The following SMIM13 variants were observed in gnomAD, a reference collection of about 807,000 sequenced individuals.
The protein encoded by SMIM13 is small integral membrane protein 13, also known as UPF0766 protein C6orf228.
Under a neutral mutation model 5.9 loss-of-function variants are expected in SMIM13, and 3 were observed. The ratio of observed to expected loss-of-function variants is 0.51; its 90% CI spans 0.23 to 1.31. SMIM13 has a LOEUF of 1.31. Ranked by LOEUF, SMIM13 falls within the 40% of genes most tolerant of loss-of-function variation. SMIM13 has a pLI of 0.18. For missense variants in SMIM13, 85 were observed against 109.9 expected (o/e 0.77, Z 1.01); for synonymous variants, 55 against 46.0 (o/e 1.19, Z -0.79).
intron 1 of SMIM13, among the ~76,000 whole-genome samples, chr6:11,101,043 T>C (rs1183293407): frequency 6.6e-6 from 1 of 151,756 alleles, no homozygotes; most frequent in Non-Finnish European, 1.5e-5. Context: ...TTTTTTTTTT[T>C]TTTTTCTGTT....
At chr6:11,095,271 T>C (rs16870932) in intron 1 of SMIM13, among the ~76,000 whole-genome samples, 2,979 of 152,346 alleles carry the variant, frequency 0.02, 106 homozygotes, top group African/African-American at 0.067. Context: ...TACAAATTAA[T>C]ACTTAGTGAC....
intron 1 of SMIM13, among the ~76,000 whole-genome samples, chr6:11,108,358 A>G (rs994704303): frequency 6.6e-6 from 1 of 152,200 alleles, no homozygotes; most frequent in Non-Finnish European, 1.5e-5. Context: ...GTGTTATTTA[A>G]TCCAGGAGCC....
intron 1 of SMIM13, among the ~76,000 whole-genome samples, chr6:11,100,814 A>G (rs1222563249): frequency 2.0e-5 from 3 of 152,128 alleles, no homozygotes; most frequent in Admixed American, 1.3e-4. Flanking sequence ...GTATTGAAAA[A>G]TTTATTGCCT....
intron 1 of SMIM13, among the ~76,000 whole-genome samples, chr6:11,126,870 C>T (rs1043341781): frequency 6.6e-6 from 1 of 152,154 alleles, no homozygotes; most frequent in African/African-American, 2.4e-5. Flanking sequence ...CCCAGTTATG[C>T]CGTGGCTCTT....
chr6:11,114,660 A>G (rs544012147), intron 1 of SMIM13, among the ~76,000 whole-genome samples: 17 of 113,566 alleles, frequency 1.5e-4, no homozygotes, highest in African/African-American at 6.0e-4. Context: ...ATGTGGTGGT[A>G]TGATCTCGGC....
intron 1 of SMIM13, among the ~76,000 whole-genome samples, chr6:11,110,696 T>TA (rs1197627137): frequency 9.2e-5 from 14 of 152,158 alleles, no homozygotes; most frequent in African/African-American, 3.4e-4. Context: ...GCAAGAGGAA[T>TA]ACTCATGGAA....
chr6:11,116,946 A>T lies in SMIM13; in HGVS notation c.77-17457A>T, dbSNP rs922430090. Among the ~76,000 whole-genome samples, 251 of 66,058 alleles carry T rather than the reference A, an allele frequency of 3.8e-3. 1 individual carries two copies. Among genetic ancestry groups the T allele is most frequent in the Non-Finnish European group, 5.3e-3 (156 of 29,208 alleles). 43.3% of individuals were successfully genotyped at this position (66,058 alleles called of 152,430 possible). A position where few individuals can be genotyped will look rare whatever the true frequency, so the allele number is the denominator to read the frequency against. On this transcript the variant is annotated intron_variant, in intron 1 of 1. Coordinates refer to ENST00000416247, the MANE Select transcript of SMIM13 (RefSeq NM_001135575.2). ...GGGTTATTGATTTTAGACTTTTCTT[A>T]TTTTTAAGAAAATAGACATTTAATG...
At chr6:11,129,897 G>T (rs1412425170) in intron 1 of SMIM13, among the ~76,000 whole-genome samples, 2 of 152,000 alleles carry the variant, frequency 1.3e-5, no homozygotes, top group Non-Finnish European at 2.9e-5. Flanking sequence ...ATTCCTTGGG[G>T]CTTTAATAAT....
intron 1 of SMIM13, among the ~76,000 whole-genome samples, chr6:11,094,672 C>G (rs1459218214): frequency 1.3e-5 from 2 of 152,162 alleles, no homozygotes; most frequent in Non-Finnish European, 2.9e-5. Context: ...CTCTTTCATT[C>G]TCACCACAGG....
rs35012412 is a variant in SMIM13 at position 11,130,253 on chromosome 6, T to TAAAAAA, written c.77-4139_77-4134dup. Among the ~76,000 whole-genome samples, 61 of 140,104 alleles carry TAAAAAA rather than the reference T, an allele frequency of 4.4e-4. No individual in the cohort carries two copies. The Middle Eastern group carries it at 0.011, about 26-fold the overall frequency. 91.9% of individuals were successfully genotyped at this position (140,104 alleles called of 152,430 possible). On this transcript the variant is annotated intron_variant, in intron 1 of 1. Transcript: ENST00000416247. ...CAACCTATCATTACAGTAGTCATTG[T>TAAAAAA]AAAAAAAAAAAAAAAACAACAACAA...
chr6:11,134,639 C>CT lies in SMIM13; in HGVS notation c.*39dup, dbSNP rs1278459425. 3 of 1,392,168 alleles carry CT rather than the reference C, an allele frequency of 2.2e-6. No individual in the cohort carries two copies. The East Asian group carries it at 8.0e-5, about 37-fold the overall frequency. 86.2% of individuals were successfully genotyped at this position (1,392,168 alleles called of 1,614,324 possible). The stretch of plus-strand genomic sequence containing the variant: ...TGAAGGATGAAAAGGCAGTTGCCAG[C>CT]TTCTGTCTTTTACTGACTTCGCTTT... On this transcript the variant is annotated 3_prime_UTR_variant, in exon 2 of 2. Transcript: ENST00000416247.
intron 1 of SMIM13, among the ~76,000 whole-genome samples, chr6:11,120,066 G>A (rs1758290931): frequency 1.3e-5 from 2 of 152,168 alleles, no homozygotes; most frequent in South Asian, 4.1e-4. Flanking sequence ...GATTGAAAAT[G>A]GAAAAGAGCT....
chr6:11,103,537 G>A, intron 1 of SMIM13: 1 of 1,073,564 alleles, frequency 9.3e-7, no homozygotes, highest in South Asian at 1.9e-5. Flanking sequence ...TGACAGAGGG[G>A]CTGTAGTGGT....
chr6:11,099,409 G>A (rs1757964409), intron 1 of SMIM13, among the ~76,000 whole-genome samples: 2 of 152,082 alleles, frequency 1.3e-5, no homozygotes, highest in Non-Finnish European at 2.9e-5. Flanking sequence ...TCCTGACCTC[G>A]TGATCCACCC....
intron 1 of SMIM13, among the ~76,000 whole-genome samples, chr6:11,125,842 TTTC>T (rs1758370460): frequency 6.6e-6 from 1 of 152,192 alleles, no homozygotes; most frequent in South Asian, 2.1e-4. Context: ...GTTCTATAAC[TTTC>T]TTGTACTTGA....
intron 1 of SMIM13, among the ~76,000 whole-genome samples, chr6:11,126,677 A>T (rs1360292310): frequency 1.3e-5 from 2 of 148,790 alleles, no homozygotes; most frequent in African/African-American, 2.5e-5. Flanking sequence ...TGGTCTTGAT[A>T]CTTCTGGATG....
rs528373608 is a variant in SMIM13, at chr6:11,114,520, T to A, written c.77-19883T>A. On this transcript the variant is annotated intron_variant, in intron 1 of 1. Coordinates refer to ENST00000416247, the MANE Select transcript of SMIM13 (RefSeq NM_001135575.2). ...TTTGTGGTGATTTTTCTTTTTTTTT[T>A]AAATCAGGAGTGGATATTGGATTTT... is the stretch of plus-strand genomic sequence containing the variant. Among the ~76,000 whole-genome samples, 1,168 of 146,806 alleles carry A rather than the reference T, an allele frequency of 8.0e-3. 6 individuals are homozygous for A. The highest frequency in any genetic ancestry group is 0.038 in the Middle Eastern group (11 of 288).
chr6:11,134,539 C>T lies in SMIM13; in HGVS notation c.213C>T (p.His71=). 1 of 1,550,848 alleles carries T rather than the reference C, an allele frequency of 6.4e-7. No individual in the cohort carries two copies. ...AAGAAGACACTTCCTCCTCTCCACA[C>T]AGAATCAGATCCGCTCGCCAAAGGA... The part of the protein sequence containing the change: ...ETEEDTSSSP[H]RIRSARQRRA... Residue 71 remains histidine, a synonymous_variant, in exon 2 of 2, where the codon CAC becomes CAT. Transcript: ENST00000416247.
In SMIM13 at chr6:11,136,249, A is replaced by C. The variant is rs559359270; in HGVS notation, c.*1647A>C. 6.6e-6 allele frequency: 1 copy of C among 152,312 alleles called. No individual in the cohort carries two copies. Among genetic ancestry groups the C allele is most frequent in the East Asian group, 1.9e-4 (1 of 5,188 alleles). The allele number at this position is 152,312 out of a possible 1,614,324, so 9.4% of individuals were successfully genotyped here. A position where few individuals can be genotyped will look rare whatever the true frequency, so the allele number is the denominator to read the frequency against. On this transcript the variant is annotated 3_prime_UTR_variant, in exon 2 of 2. Transcript: ENST00000416247. ...TGGGTGAAAATTCCCGCTTAGCTGT[A>C]AAATGACTCTCTTGCCAGGTTTCCG...
Sources: gnomAD v4.1 joint callset for allele counts (sites outside exome capture counted in the v4.1 genomes callset) on GRCh38, gnomAD v4.1.1 for gene constraint, MANE v1.5 for transcripts, NCBI Gene and HGNC (gene_info 2026-07-23, HGNC 2026-07-21) for gene names.